The following TRIOBP variants were observed in gnomAD, a reference collection of about 807,000 sequenced individuals.
The protein encoded by TRIOBP is TRIO and F-actin binding protein.
TRIOBP carries 169 observed loss-of-function variants against 238.8 expected under a neutral mutation model. The observed-to-expected ratio is 0.71, with a 90% CI of 0.62 to 0.80. The LOEUF is 0.80. Ranked by LOEUF, TRIOBP falls within the 30% of genes least tolerant of loss-of-function variation. The pLI is 0.00. For synonymous variants in TRIOBP, 1,150 were observed against 1,274.4 expected (o/e 0.90, Z 2.08); for missense variants, 2,838 against 3,122.6 (o/e 0.91, Z 2.17).
chr22:37,730,445 G>C (rs939556332), intron 7 of TRIOBP, among the ~76,000 whole-genome samples: 1 of 152,162 alleles, frequency 6.6e-6, no homozygotes. Context: ...GCATCCATCC[G>C]GAAGAGAACA....
chr22:37,725,860 C>T lies in TRIOBP; in HGVS notation c.3304C>T (p.Gln1102Ter). The change falls in exon 7 of 24, where the codon CAA (glutamine) becomes TAA (stop). Residue 1102 changes from glutamine (Q) to a stop codon, truncating the protein, a stop_gained. Coordinates refer to ENST00000644935, the MANE Select transcript of TRIOBP (RefSeq NM_001039141.3). LOFTEE classifies it high-confidence loss of function. ...SDAEHQCQSPQHEPLQLPAPV... is the reference protein window; with the variant it reads ...SDAEHQCQSP Reference sequence around the variant, plus strand: ...TGCCGAGCATCAGTGTCAGTCCCCCCAACACGAGCCCCTTCAGCTCCCTGC... The same window carrying T: ...TGCCGAGCATCAGTGTCAGTCCCCCTAACACGAGCCCCTTCAGCTCCCTGC... The T allele has an allele frequency of 6.2e-7, 1 of 1,613,160 alleles. No homozygotes were observed. Among genetic ancestry groups the T allele is most frequent in the Non-Finnish European group, 8.5e-7 (1 of 1,179,686 alleles).
intron 21 of TRIOBP, 91 bp downstream of exon 21, chr22:37,769,466 G>T: frequency 1.5e-6 from 2 of 1,303,984 alleles, no homozygotes; most frequent in Non-Finnish European, 2.1e-6. Flanking sequence ...ATCACCTGTG[G>T]CAGGAAAGCC....
intron 5 of TRIOBP, among the ~76,000 whole-genome samples, chr22:37,714,881 T>C (rs914153414): frequency 5.9e-5 from 9 of 152,100 alleles, no homozygotes; most frequent in Non-Finnish European, 1.3e-4. Context: ...AGGGTCTCAC[T>C]GTGTTGCCCA....
In TRIOBP at chr22:37,723,568, A is replaced by G. The variant is rs1021708285; in HGVS notation, c.1012A>G (p.Asn338Asp). 1.2e-6 allele frequency: 2 copies of G among 1,613,808 alleles called. No homozygotes were observed. The highest frequency in any genetic ancestry group is 2.7e-5 in the African/African-American group (2 of 74,808). The stretch of plus-strand genomic sequence containing the variant: ...CCCCAGGGCCTCATCTACACAGTGG[A>G]ACACCCCCAGAGCTTCCTCTCCCTC... ...DTPRASSTQW[N>D]TPRASSPSRS... Residue 338 changes from asparagine (N) to aspartate (D), a missense_variant, in exon 7 of 24, where the codon AAC becomes GAC. Physicochemically the swap from Asn to Asp is conservative, Grantham distance 23 (BLOSUM62 1). This residue lies in a region of TRIOBP where 535 missense variants were observed against 537.3 expected (regional missense o/e 1.00). Coordinates refer to ENST00000644935, the MANE Select transcript of TRIOBP (RefSeq NM_001039141.3).
chr22:37,752,572 C>T (rs191557261), intron 12 of TRIOBP, among the ~76,000 whole-genome samples: 62 of 152,328 alleles, frequency 4.1e-4, no homozygotes, highest in Admixed American at 3.8e-3. Context: ...AGCCTGCATG[C>T]CGGAGAGGGC....
At chr22:37,767,961 T>C in intron 18 of TRIOBP, 113 bp from the exon 19 acceptor site, 1 of 816,106 alleles carries the variant, frequency 1.2e-6, no homozygotes, top group Non-Finnish European at 2.1e-6. Context: ...TGCATAGTAC[T>C]ATGTGGAGTC....
intron 10 of TRIOBP, among the ~76,000 whole-genome samples, chr22:37,739,201 G>A (rs748044615): frequency 3.9e-5 from 6 of 152,092 alleles, no homozygotes; most frequent in Non-Finnish European, 5.9e-5. Context: ...CTGCTCTGAG[G>A]CCTGGCTGCA....
intron 17 of TRIOBP, among the ~76,000 whole-genome samples, chr22:37,764,949 C>G (rs1187239860): frequency 6.6e-6 from 1 of 152,122 alleles, no homozygotes; most frequent in Non-Finnish European, 1.5e-5. Context: ...TTAAACTGGG[C>G]TGCAGGTCAG....
intron 8 of TRIOBP, 137 bp downstream of exon 8, chr22:37,733,549 G>A: frequency 2.9e-6 from 2 of 695,384 alleles, no homozygotes; most frequent in East Asian, 2.7e-5. Flanking sequence ...TGGGGATCCA[G>A]CTCTCCCCTC....
intron 21 of TRIOBP, among the ~76,000 whole-genome samples, chr22:37,770,791 T>C (rs1457985091): frequency 6.6e-6 from 1 of 151,988 alleles, no homozygotes; most frequent in Non-Finnish European, 1.5e-5. Context: ...CATGCCATTC[T>C]CCTGCCTCAG....
chr22:37,761,061 C>T (rs1356754609), intron 17 of TRIOBP, among the ~76,000 whole-genome samples: 2 of 151,866 alleles, frequency 1.3e-5, no homozygotes, highest in South Asian at 2.1e-4. Context: ...GGGGAGGTCA[C>T]GTCATGAGGG....
rs758548683 is a variant in TRIOBP, at chr22:37,771,849, C to G, written c.6936+113C>G. 4 of 908,374 alleles carry G rather than the reference C, an allele frequency of 4.4e-6. No homozygotes were observed. The East Asian group carries it at 1.0e-4, about 24-fold the overall frequency. 56.3% of individuals were successfully genotyped at this position (908,374 alleles called of 1,614,324 possible). A position where few individuals can be genotyped will look rare whatever the true frequency, so the allele number is the denominator to read the frequency against. On this transcript the variant is annotated intron_variant, in intron 22 of 23. Coordinates refer to ENST00000644935, the MANE Select transcript of TRIOBP (RefSeq NM_001039141.3). ...TCCACTCGCTTCATCCTTCCTCAGG[C>G]TCTCCTGTGCTTCTCCCATGTAGGT...
In TRIOBP at chr22:37,734,624, C is replaced by T. The variant is rs1221908608; in HGVS notation, c.4288C>T (p.Gln1430Ter). 1 of 1,586,364 alleles carries T rather than the reference C, an allele frequency of 6.3e-7. No homozygotes were observed. Among genetic ancestry groups the T allele is most frequent in the Non-Finnish European group, 8.6e-7 (1 of 1,166,870 alleles). The change falls in exon 9 of 24, where the codon CAG (glutamine) becomes TAG (stop). Residue 1430 changes from glutamine (Q) to a stop codon, truncating the protein, a stop_gained. Coordinates refer to ENST00000644935, the MANE Select transcript of TRIOBP (RefSeq NM_001039141.3). LOFTEE classifies it high-confidence loss of function. ...PRQPLGVWQS[Q>*]EEPPGSQGPH... ...ACAGCCTCTGGGGGTGTGGCAGAGT[C>T]AGGAGGAACCGCCAGGGTCCCAGGG...
In TRIOBP at chr22:37,738,767, A is replaced by G. The variant is rs561063815; in HGVS notation, c.5184+48A>G. On this transcript the variant is annotated intron_variant, in intron 10 of 23. Transcript: ENST00000644935. Reference sequence around the variant, plus strand: ...TACATACGGTGGGGAAGGGAGGGGGAAGCAGGTTGGAGATGGGCTTCATTC... The same window carrying G: ...TACATACGGTGGGGAAGGGAGGGGGGAGCAGGTTGGAGATGGGCTTCATTC... The G allele has an allele frequency of 1.9e-6, 3 of 1,596,542 alleles. No individual in the cohort carries two copies. In the African/African-American group the frequency reaches 4.0e-5, roughly 21 times the overall value.
chr22:37,724,928 C>T lies in TRIOBP; in HGVS notation c.2372C>T (p.Pro791Leu). 7.4e-6 allele frequency: 12 copies of T among 1,613,908 alleles called. No homozygotes were observed. Among genetic ancestry groups the T allele is most frequent in the Non-Finnish European group, 1.0e-5 (12 of 1,179,978 alleles). The change falls in exon 7 of 24, where the codon CCC (proline) becomes CTC (leucine). Residue 791 changes from proline (P) to leucine (L), a missense_variant. By Grantham distance (98) the Pro-to-Leu change is moderately conservative. This residue lies in a region of TRIOBP where 2,096 missense variants were observed against 2,137.4 expected (regional missense o/e 0.98). Coordinates refer to ENST00000644935, the MANE Select transcript of TRIOBP (RefSeq NM_001039141.3). ...CCCAATAGAGCCACACGAGACAACC[C>T]CAGAACATCCTGTGCCCAGCGGGAC... ...SSPNRATRDNPRTSCAQRDNL... is the reference protein window; with the variant it reads ...SSPNRATRDNLRTSCAQRDNL...
intron 11 of TRIOBP, chr22:37,746,528 G>A: frequency 1.0e-6 from 1 of 993,304 alleles, no homozygotes; most frequent in Non-Finnish European, 1.3e-6. Context: ...ATTTCCCGAA[G>A]GCGAGAGGAG....
intron 5 of TRIOBP, among the ~76,000 whole-genome samples, chr22:37,714,268 A>G (rs1013315254): frequency 1.7e-4 from 26 of 152,204 alleles, no homozygotes; most frequent in Non-Finnish European, 1.8e-4. Flanking sequence ...CTTGGCTTCA[A>G]TGGATGTACA....
At chr22:37,730,100 C>G (rs1924352294) in intron 7 of TRIOBP, among the ~76,000 whole-genome samples, 1 of 152,036 alleles carries the variant, frequency 6.6e-6, no homozygotes, top group African/African-American at 2.4e-5. Context: ...CACGTAGCAT[C>G]CTGTGGTCAT....
chr22:37,763,186 T>C (rs1926325485), intron 17 of TRIOBP, among the ~76,000 whole-genome samples: 1 of 152,178 alleles, frequency 6.6e-6, no homozygotes, highest in Non-Finnish European at 1.5e-5. Context: ...CACTGGTGGA[T>C]GCTGGCGTAC....
Sources: gnomAD v4.1 joint callset for allele counts (sites outside exome capture counted in the v4.1 genomes callset) on GRCh38, gnomAD v4.1.1 for gene constraint, gnomAD v4.1.1 regional missense constraint, MANE v1.5 for transcripts, NCBI Gene and HGNC (gene_info 2026-07-23, HGNC 2026-07-21) for gene names.